The following SLC8B1 variants were observed in gnomAD, a reference collection of about 807,000 sequenced individuals.
SLC8B1 encodes mitochondrial sodium/calcium exchanger protein.
SLC8B1 carries 52 observed loss-of-function variants against 63.4 expected under a neutral mutation model. The ratio of observed to expected loss-of-function variants is 0.82; its 90% confidence interval spans 0.66 to 1.03. The LOEUF (loss-of-function observed/expected upper bound fraction) is 1.03, where lower values mean the gene tolerates loss of function less well. SLC8B1 is among the 50% of genes least tolerant of loss of function. The pLI is 0.00. For synonymous variants in SLC8B1, 336 were observed against 323.9 expected, an observed-to-expected ratio of 1.04 and a Z score of -0.40; for missense variants, 657 against 741.7, an observed-to-expected ratio of 0.89 and a Z score of 1.33.
At chr12:113,329,838 A>G (rs1224290992) in intron 2 of SLC8B1, among the ~76,000 whole-genome samples, 1 of 151,922 alleles carries the variant, frequency 6.6e-6, no homozygotes, top group Non-Finnish European at 1.5e-5. Flanking sequence ...CATGGCTCCC[A>G]CCTTCCTCCC....
In SLC8B1 at chr12:113,320,604, C is replaced by A; in HGVS notation, c.503G>T (p.Gly168Val). 1 of 1,614,068 alleles carries A rather than the reference C, an allele frequency of 6.2e-7. No homozygotes were observed. The highest frequency in any genetic ancestry group is 1.7e-5 in the Admixed American group (1 of 60,006). The change falls in exon 6 of 16, where the codon GGC becomes GTC. Residue 168 changes from glycine (G) to valine (V), a missense_variant. Physicochemically the swap from Gly to Val is moderately radical, Grantham distance 109. Coordinates refer to ENST00000680972, the MANE Select transcript of SLC8B1 (RefSeq NM_001358345.2). The surrounding 1 kb of genome is among the most constrained non-coding windows in gnomAD (Gnocchi z 5.3). ...LVAFSDPHTAGLALGALFGAG... is the reference protein window; with the variant it reads ...LVAFSDPHTAVLALGALFGAG... Reference sequence around the variant, plus strand: ...ACCAAACAGTGCCCCAAGGGCCAGGCCGGCTGTGTGCGGGTCAGAGAAGGC... The same window carrying A: ...ACCAAACAGTGCCCCAAGGGCCAGGACGGCTGTGTGCGGGTCAGAGAAGGC...
chr12:113,332,884 C>A lies in SLC8B1; in HGVS notation c.-6G>T, dbSNP rs765750170. 2 of 1,613,466 alleles carry A rather than the reference C, an allele frequency of 1.2e-6. No homozygotes were observed. The highest frequency in any genetic ancestry group is 1.3e-5 in the African/African-American group (1 of 74,942). ...TTCAGCCTTCTGCCGGCCATCTGCCCCCACGGGGCCTGGCCCTTACTCTCC... is the reference window on the plus strand; with the variant it reads ...TTCAGCCTTCTGCCGGCCATCTGCCACCACGGGGCCTGGCCCTTACTCTCC... On this transcript the variant is annotated 5_prime_UTR_variant, in exon 2 of 16. Coordinates refer to ENST00000680972, the MANE Select transcript of SLC8B1 (RefSeq NM_001358345.2).
intron 11 of SLC8B1, among the ~76,000 whole-genome samples, chr12:113,314,583 G>A (rs1412217702): frequency 6.6e-6 from 1 of 152,206 alleles, no homozygotes; most frequent in African/African-American, 2.4e-5. Flanking sequence ...TCAAATGCCA[G>A]TGGGGACCAG....
At chr12:113,319,755 G>A (rs1450932649) in intron 7 of SLC8B1, among the ~76,000 whole-genome samples, 2 of 152,152 alleles carry the variant, frequency 1.3e-5, no homozygotes, top group Admixed American at 6.5e-5. Context: ...CCCAGTTAGC[G>A]TCCCATCTTT....
At chr12:113,331,386 G>GAAAA (rs752575330) in intron 2 of SLC8B1, among the ~76,000 whole-genome samples, 2 of 85,850 alleles carry the variant, frequency 2.3e-5, no homozygotes, top group Non-Finnish European at 4.7e-5. Context: ...GACTGTTCTC[G>GAAAA]AAAAAAAAAA....
chr12:113,301,459 C>T (rs948461616), intron 15 of SLC8B1, among the ~76,000 whole-genome samples: 4 of 151,628 alleles, frequency 2.6e-5, no homozygotes, highest in South Asian at 2.1e-4. Flanking sequence ...GCCTCAGCCT[C>T]CCGAGTAGCT....
intron 15 of SLC8B1, among the ~76,000 whole-genome samples, chr12:113,300,878 G>A (rs1956578157): frequency 6.6e-6 from 1 of 152,256 alleles, no homozygotes; most frequent in Admixed American, 6.5e-5. Flanking sequence ...GCTCAGGCCT[G>A]TAATCCCAAC....
Position 113,316,599 on chromosome 12 carries a change from C to T in SLC8B1, c.920G>A (p.Arg307Gln), listed in dbSNP as rs781091225. ...CATGTAATCCAGGGGATTGAGGGCC[C>T]GGACCAGGATCTGAGCCGTGGTCTC... ...YQETTAQILV[R>Q]ALNPLDYMKW... is the part of the protein sequence containing the mutation. The change falls in exon 10 of 16, where the codon CGG becomes CAG. Residue 307 changes from arginine to glutamine, a missense_variant. Arg to Gln is a conservative substitution (Grantham distance 43). Coordinates refer to ENST00000680972, the MANE Select transcript of SLC8B1 (RefSeq NM_001358345.2). 2.0e-5 allele frequency: 32 copies of T among 1,614,064 alleles called. No individual in the cohort carries two copies. The highest frequency in any genetic ancestry group is 1.6e-4 in the Middle Eastern group (1 of 6,070).
At chr12:113,316,777 G>A (rs868420261) in intron 9 of SLC8B1, 121 bp from the exon 10 acceptor site, 2 of 1,516,624 alleles carry the variant, frequency 1.3e-6, no homozygotes, top group Non-Finnish European at 1.8e-6. Context: ...CCAGTACTCG[G>A]CAGAGGGCAG....
intron 11 of SLC8B1, 134 bp downstream of exon 11, chr12:113,315,201 G>T: frequency 2.2e-6 from 2 of 913,226 alleles, no homozygotes; most frequent in Non-Finnish European, 3.1e-6. Flanking sequence ...TGGGATGATT[G>T]CTTGAACCCG....
rs1013900912 is a variant in SLC8B1, at chr12:113,299,700, T to C, written c.*77A>G. On this transcript the variant is annotated 3_prime_UTR_variant, in exon 16 of 16. Transcript: ENST00000680972. ...GCCCACAAGGGCCTTGCAGAAATGC[T>C]CCGGTCCCTGGGCCTCCCCCGGCAG... 8.9e-6 allele frequency: 13 copies of C among 1,459,714 alleles called. No homozygotes were observed. The highest frequency in any genetic ancestry group is 2.8e-5 in the African/African-American group (2 of 71,616). The allele number at this position is 1,459,714 out of a possible 1,614,324, so 90.4% of individuals were successfully genotyped here.
chr12:113,320,315 C>T lies in SLC8B1; in HGVS notation c.694+16G>A. 1 of 1,613,184 alleles carries T rather than the reference C, an allele frequency of 6.2e-7. No homozygotes were observed. Among genetic ancestry groups the T allele is most frequent in the East Asian group, 2.2e-5 (1 of 44,866 alleles). On this transcript the variant is annotated intron_variant, in intron 7 of 15. Coordinates refer to ENST00000680972, the MANE Select transcript of SLC8B1 (RefSeq NM_001358345.2). This position sits in a 1 kb window ranked among gnomAD's most constrained non-coding sequence, Gnocchi z 5.3. ...TCAGCCCTGGGATCTCACGCCTGAG[C>T]CCCAGAGCTGCTCACCCAGAGCCCA...
intron 2 of SLC8B1, 52 bp downstream of exon 2, chr12:113,332,671 G>A: frequency 3.8e-6 from 6 of 1,562,326 alleles, no homozygotes; most frequent in Middle Eastern, 1.7e-4. Context: ...GATATTTATC[G>A]ATTGGAGGAA....
intron 10 of SLC8B1, among the ~76,000 whole-genome samples, chr12:113,315,781 A>T (rs1171107808): frequency 6.6e-6 from 1 of 152,180 alleles, no homozygotes; most frequent in Non-Finnish European, 1.5e-5. Flanking sequence ...AGCTTCCAGG[A>T]GCCACCTGCC....
At chr12:113,315,209 C>T (rs1956817740) in intron 11 of SLC8B1, 126 bp downstream of exon 11, 1 of 1,002,896 alleles carries the variant, frequency 1.0e-6, no homozygotes, top group Admixed American at 3.4e-5. Flanking sequence ...TTGCTTGAAC[C>T]CGAGAGGTGG....
intron 12 of SLC8B1, among the ~76,000 whole-genome samples, chr12:113,309,441 T>C (rs1324732951): frequency 6.6e-6 from 1 of 152,194 alleles, no homozygotes; most frequent in Admixed American, 6.5e-5. Flanking sequence ...GGCCATCCCA[T>C]TCTATCCCTG....
intron 11 of SLC8B1, 30 bp downstream of exon 11, chr12:113,315,305 G>A: frequency 6.7e-7 from 1 of 1,491,424 alleles, no homozygotes; most frequent in Non-Finnish European, 9.0e-7. Flanking sequence ...GAGTAGGAAG[G>A]TGGGTTGGCC....
At position 113,306,567 on chromosome 12, in the gene SLC8B1, A is replaced by C; in HGVS notation, c.1420T>G (p.Ser474Ala). 6.2e-7 allele frequency: 1 copy of C among 1,614,022 alleles called. No homozygotes were observed. Among genetic ancestry groups the C allele is most frequent in the Non-Finnish European group, 8.5e-7 (1 of 1,179,986 alleles). Residue 474 changes from serine (S) to alanine (A), a missense_variant, in exon 14 of 16, where the codon TCG (serine) becomes GCG (alanine). Ser to Ala is a moderately conservative substitution (Grantham distance 99). Transcript: ENST00000680972. Reference protein sequence around the residue: ...AWGNSIGDAFSDFTLARQGYP... With the variant: ...AWGNSIGDAFADFTLARQGYP... Reference sequence around the variant, plus strand: ...CCCTGGCGAGCCAGTGTGAAATCCGAGAAGGCATCTGCACAGGAACAAGAG... The same window carrying C: ...CCCTGGCGAGCCAGTGTGAAATCCGCGAAGGCATCTGCACAGGAACAAGAG...
intron 7 of SLC8B1, chr12:113,319,290 T>C: frequency 2.0e-6 from 1 of 503,920 alleles, no homozygotes; most frequent in East Asian, 3.7e-5. Flanking sequence ...AAGGAGGTAA[T>C]ACCCAAGCAC....
Sources: allele counts gnomAD v4.1 joint callset (sites outside exome capture counted in the v4.1 genomes callset), GRCh38; gene constraint gnomAD v4.1.1; non-coding constraint Gnocchi (gnomAD v3.1); transcripts MANE v1.5; gene names NCBI Gene and HGNC (gene_info 2026-07-23, HGNC 2026-07-21).